PHACTR1: variants seen among roughly 807,000 people sequenced by gnomAD.
The protein encoded by PHACTR1 is RPEL repeat containing 1.
A neutral mutation model predicts 69.2 loss-of-function variants in PHACTR1; 16 were observed. That is an observed-to-expected ratio of 0.23 (90% CI 0.16 to 0.35). The LOEUF (loss-of-function observed/expected upper bound fraction) is 0.35, where lower values mean the gene tolerates loss of function less well. Ranked by LOEUF, PHACTR1 falls within the 10% of genes least tolerant of loss-of-function variation. The pLI is 1.00. For synonymous variants in PHACTR1, 312 were observed against 284.5 expected, an observed-to-expected ratio of 1.10 and a Z score of -0.97; for missense variants, 510 against 734.7, an observed-to-expected ratio of 0.69 and a Z score of 3.54.
At chr6:13,028,204 C>T (rs1801971769) in intron 4 of PHACTR1, among the ~76,000 whole-genome samples, 1 of 152,108 alleles carries the variant, frequency 6.6e-6, no homozygotes, top group Non-Finnish European at 1.5e-5. Flanking sequence ...AATTAATGTG[C>T]TGCGTTAGAA....
At chr6:12,799,767 TA>T (rs1773485381) in intron 4 of PHACTR1, among the ~76,000 whole-genome samples, 1 of 152,202 alleles carries the variant, frequency 6.6e-6, no homozygotes, top group Non-Finnish European at 1.5e-5. Flanking sequence ...ACCTTGAATA[TA>T]ATGAAATAAA....
At chr6:12,721,124 G>A (rs926162098) in intron 3 of PHACTR1, among the ~76,000 whole-genome samples, 5 of 152,290 alleles carry the variant, frequency 3.3e-5, no homozygotes, top group East Asian at 3.9e-4. Context: ...AGTGGCTCAC[G>A]CCTGTAATCC....
At chr6:12,784,410 C>A (rs1227182049) in intron 4 of PHACTR1, among the ~76,000 whole-genome samples, 1 of 151,524 alleles carries the variant, frequency 6.6e-6, no homozygotes, top group Non-Finnish European at 1.5e-5. Context: ...ACACACATAT[C>A]TATACACATA....
intron 7 of PHACTR1, among the ~76,000 whole-genome samples, chr6:13,190,201 T>TTTTTTTTTTTTA (rs1763370403): frequency 7.4e-6 from 1 of 135,368 alleles, no homozygotes; most frequent in African/African-American, 2.9e-5. Flanking sequence ...TTTTTGTATT[T>TTTTTTTTTTTTA]TTTTTTTTTT....
chr6:13,130,442 T>TA (rs1204886802), intron 5 of PHACTR1, among the ~76,000 whole-genome samples: 2 of 151,936 alleles, frequency 1.3e-5, no homozygotes, highest in East Asian at 3.9e-4. Context: ...AGATCCAAGA[T>TA]CCAAATAAGC....
At position 13,272,503 on chromosome 6, in the gene PHACTR1, G is replaced by A. The variant is rs534822166; in HGVS notation, c.1392-357G>A. 1.6e-5 allele frequency: 6 copies of A among 369,410 alleles called. No individual in the cohort carries two copies. In the East Asian group the frequency reaches 3.2e-4, roughly 19 times the overall value. The allele number at this position is 369,410 out of a possible 1,614,324, so 22.9% of individuals were successfully genotyped here. A position where few individuals can be genotyped will look rare whatever the true frequency, so the allele number is the denominator to read the frequency against. On this transcript the variant is annotated intron_variant, in intron 10 of 14. Transcript: ENST00000332995. ...TCAAGGGAGGGAGAGAGAGGCAAGA[G>A]GCCACAGTCCCCAAGTTAGGAGGCC...
intron 6 of PHACTR1, among the ~76,000 whole-genome samples, chr6:13,178,725 A>G (rs557567164): frequency 1.3e-5 from 2 of 152,352 alleles, no homozygotes; most frequent in South Asian, 2.1e-4. Context: ...TTTCAAAGCC[A>G]TTATCACAGA....
chr6:12,979,276 A>T (rs547689722), intron 4 of PHACTR1, among the ~76,000 whole-genome samples: 2 of 152,342 alleles, frequency 1.3e-5, no homozygotes, highest in East Asian at 3.9e-4. Context: ...CTTTGGGCAG[A>T]TTCCCTCTAA....
At chr6:12,941,591 G>A (rs1216343762) in intron 4 of PHACTR1, among the ~76,000 whole-genome samples, 1 of 152,070 alleles carries the variant, frequency 6.6e-6, no homozygotes, top group Non-Finnish European at 1.5e-5. Context: ...CTCTCCACTT[G>A]AATCTGCTCC....
chr6:12,906,942 G>T (rs1245701117), intron 4 of PHACTR1, among the ~76,000 whole-genome samples: 1 of 152,156 alleles, frequency 6.6e-6, no homozygotes, highest in African/African-American at 2.4e-5. Flanking sequence ...ACATGAAGAG[G>T]CACAGAGTAG....
intron 4 of PHACTR1, among the ~76,000 whole-genome samples, chr6:12,950,885 C>A (rs1044766429): frequency 6.6e-6 from 1 of 152,178 alleles, no homozygotes; most frequent in Non-Finnish European, 1.5e-5. Context: ...CATTCATTTG[C>A]GCCATTACCT....
intron 4 of PHACTR1, among the ~76,000 whole-genome samples, chr6:12,807,764 C>A (rs1774516321): frequency 1.3e-5 from 2 of 152,186 alleles, no homozygotes; most frequent in Non-Finnish European, 2.9e-5. Flanking sequence ...GTTGCTTCCT[C>A]TTCTCCCTAG....
Position 13,277,282 on chromosome 6 carries a change from A to G in PHACTR1, c.1448-986A>G, listed in dbSNP as rs112073717. Among the ~76,000 whole-genome samples the G allele has an allele frequency of 9.2e-3, 1,400 of 151,802 alleles. 23 individuals carry two copies. Among genetic ancestry groups the G allele is most frequent in the African/African-American group, 0.033 (1,346 of 41,062 alleles). ...AGTAAATCACCCATATATTAAGGCA[A>G]GAGCTTTCAGGCTCTGCAGTCTACT... On this transcript the variant is annotated intron_variant, in intron 11 of 14. Transcript: ENST00000332995.
intron 5 of PHACTR1, among the ~76,000 whole-genome samples, chr6:13,133,557 G>A (rs1388037845): frequency 6.6e-6 from 1 of 152,092 alleles, no homozygotes; most frequent in Non-Finnish European, 1.5e-5. Context: ...TCGGCCTCCC[G>A]AGGTGCCGGG....
intron 4 of PHACTR1, among the ~76,000 whole-genome samples, chr6:12,815,754 C>T (rs770709785): frequency 8.5e-5 from 13 of 152,316 alleles, no homozygotes; most frequent in Non-Finnish European, 1.9e-4. Context: ...AACCCTTTGT[C>T]CTTTTCCCCA....
rs544609539 is a variant in PHACTR1, at chr6:13,254,818, C to T, written c.1392-18042C>T. 8.5e-5 allele frequency among the ~76,000 whole-genome samples: 13 copies of T among 152,240 alleles called. No homozygotes were observed. The East Asian group carries it at 2.5e-3, about 29-fold the overall frequency. On this transcript the variant is annotated intron_variant, in intron 10 of 14. Coordinates refer to ENST00000332995, the MANE Select transcript of PHACTR1 (RefSeq NM_030948.6). The stretch of plus-strand genomic sequence containing the variant: ...TGTAGATTACTGTTAGTTGCATCTT[C>T]CATAAGAGCCAAGAAAGCAATAGAC...
chr6:13,161,650 G>C (rs1198155200), intron 6 of PHACTR1, among the ~76,000 whole-genome samples: 3 of 152,162 alleles, frequency 2.0e-5, no homozygotes, highest in Non-Finnish European at 2.9e-5. Context: ...ACTACAACGA[G>C]GCAGGTGGTA....
chr6:13,020,089 C>A (rs1425143750), intron 4 of PHACTR1, among the ~76,000 whole-genome samples: 3 of 152,088 alleles, frequency 2.0e-5, no homozygotes, highest in African/African-American at 7.2e-5. Flanking sequence ...CACAGGAGAC[C>A]TTACTTCACC....
intron 4 of PHACTR1, among the ~76,000 whole-genome samples, chr6:13,015,468 A>G (rs1207262042): frequency 1.4e-4 from 22 of 152,210 alleles, no homozygotes; most frequent in Non-Finnish European, 8.8e-5. Flanking sequence ...ATCGAGACCT[A>G]TGGAATACAA....
Sources: allele counts gnomAD v4.1 joint callset (sites outside exome capture counted in the v4.1 genomes callset), GRCh38; gene constraint gnomAD v4.1.1; transcripts MANE v1.5; gene names NCBI Gene and HGNC (gene_info 2026-07-23, HGNC 2026-07-21).